Variants in GRIA2 observed in about 807,000 individuals in gnomAD.
GRIA2 encodes glutamate receptor 2.
In GRIA2, 14 loss-of-function variants were observed where a neutral mutation model predicts 97.3. The ratio of observed to expected loss-of-function variants is 0.14; its 90% CI spans 0.10 to 0.23. The LOEUF (loss-of-function observed/expected upper bound fraction) is 0.23, where lower values mean the gene tolerates loss of function less well. Among genes scored for constraint, GRIA2 ranks in the 10% least tolerant of loss-of-function variants. The pLI is 1.00. For missense variants in GRIA2, 558 were observed against 1,069.8 expected (o/e 0.52, Z 6.67); for synonymous variants, 412 against 387.8 (o/e 1.06, Z -0.73).
intron 2 of GRIA2, among the ~76,000 whole-genome samples, chr4:157,259,393 C>A (rs899240788): frequency 6.6e-6 from 1 of 152,020 alleles, no homozygotes; most frequent in African/African-American, 2.4e-5. Context: ...TGCTTGTTTG[C>A]ATGTTACTTT....
intron 2 of GRIA2, among the ~76,000 whole-genome samples, chr4:157,284,880 T>C (rs778812013): frequency 2.0e-5 from 3 of 151,832 alleles, no homozygotes; most frequent in Admixed American, 1.3e-4. Flanking sequence ...GTACAAGCAA[T>C]GCAGCCATGA....
rs939139476 is a variant in GRIA2, at chr4:157,287,910, G to A, written c.230-15642G>A. On this transcript the variant is annotated intron_variant, in intron 2 of 15. Coordinates refer to ENST00000264426, the MANE Select transcript of GRIA2 (RefSeq NM_001083619.3). ...TTTCTGTTTTCCGTGTATTATCTTG[G>A]GTGTTTTTCTTGTGATCTGAGTCTT... 2.0e-5 allele frequency among the ~76,000 whole-genome samples: 3 copies of A among 151,338 alleles called. No homozygotes were observed. The South Asian group carries it at 6.2e-4, about 31-fold the overall frequency.
chr4:157,282,305 A>G (rs1305795566), intron 2 of GRIA2, among the ~76,000 whole-genome samples: 1 of 152,112 alleles, frequency 6.6e-6, no homozygotes, highest in Non-Finnish European at 1.5e-5. Context: ...GTGATTTATT[A>G]CGGGACATGA....
At chr4:157,327,369 C>A (rs770198471) in intron 6 of GRIA2, among the ~76,000 whole-genome samples, 1 of 151,868 alleles carries the variant, frequency 6.6e-6, no homozygotes, top group Non-Finnish European at 1.5e-5. Context: ...TCTTATTGAG[C>A]CCTGACAGAA....
chr4:157,247,145 A>G (rs1730766597), intron 2 of GRIA2, among the ~76,000 whole-genome samples: 1 of 152,126 alleles, frequency 6.6e-6, no homozygotes, highest in Non-Finnish European at 1.5e-5. Context: ...TGCTCTCCAT[A>G]ATTAGCATGA....
intron 4 of GRIA2, among the ~76,000 whole-genome samples, chr4:157,314,169 G>A (rs1734210832): frequency 6.6e-6 from 1 of 152,098 alleles, no homozygotes; most frequent in Non-Finnish European, 1.5e-5. Context: ...ATACACTGTG[G>A]CTGCTAGTGC....
chr4:157,234,311 T>C (rs1481054861), intron 2 of GRIA2, among the ~76,000 whole-genome samples: 1 of 152,084 alleles, frequency 6.6e-6, no homozygotes, highest in Non-Finnish European at 1.5e-5. Flanking sequence ...CTAATAGTTT[T>C]CTCTATGTAA....
chr4:157,253,308 G>T (rs1465076458), intron 2 of GRIA2, among the ~76,000 whole-genome samples: 1 of 151,868 alleles, frequency 6.6e-6, no homozygotes. Flanking sequence ...GTAGAGACAG[G>T]GTTTTGCCAC....
chr4:157,222,167 G>C (rs961329819), intron 2 of GRIA2, among the ~76,000 whole-genome samples: 1 of 152,100 alleles, frequency 6.6e-6, no homozygotes, highest in Non-Finnish European at 1.5e-5. Flanking sequence ...AGCGCCTGTT[G>C]GCACCCTGCC....
At chr4:157,253,298 G>T (rs1731095027) in intron 2 of GRIA2, among the ~76,000 whole-genome samples, 1 of 151,778 alleles carries the variant, frequency 6.6e-6, no homozygotes, top group Admixed American at 6.6e-5. Flanking sequence ...TGTATTTTTG[G>T]TAGAGACAGG....
At chr4:157,296,245 G>C (rs1280397896) in intron 2 of GRIA2, among the ~76,000 whole-genome samples, 2 of 152,018 alleles carry the variant, frequency 1.3e-5, no homozygotes, top group Non-Finnish European at 2.9e-5. Flanking sequence ...CATTTCATAG[G>C]TAATTTTAAA....
chr4:157,269,363 G>A (rs1263888097), intron 2 of GRIA2, among the ~76,000 whole-genome samples: 1 of 152,016 alleles, frequency 6.6e-6, no homozygotes, highest in Non-Finnish European at 1.5e-5. Context: ...GTGTTTTCTT[G>A]CTCCCCAAAA....
In GRIA2 at chr4:157,364,159, G is replaced by A. The variant is rs1241705075; in HGVS notation, c.*728G>A. 6.6e-6 allele frequency: 1 copy of A among 152,368 alleles called. No homozygotes were observed. The allele number at this position is 152,368 out of a possible 1,614,324, so 9.4% of individuals were successfully genotyped here. A position where few individuals can be genotyped will look rare whatever the true frequency, so the allele number is the denominator to read the frequency against. On this transcript the variant is annotated 3_prime_UTR_variant, in exon 16 of 16. Transcript: ENST00000264426. Reference sequence around the variant, plus strand: ...AATGCTAAGGAAAGTAAACAAAGAGGAGATTCCAATCTTGTAATTTAATAT... The same window carrying A: ...AATGCTAAGGAAAGTAAACAAAGAGAAGATTCCAATCTTGTAATTTAATAT...
chr4:157,284,548 A>G (rs1732751487), intron 2 of GRIA2, among the ~76,000 whole-genome samples: 1 of 151,744 alleles, frequency 6.6e-6, no homozygotes, highest in African/African-American at 2.4e-5. Context: ...AACATTACCA[A>G]TACAATTGAG....
Position 157,312,794 on chromosome 4 carries a change from T to G in GRIA2, c.585T>G (p.Leu195=). ...AGAAAGATGAGATGTACCGATCACT[T>G]TTTCAAGATCTGGAGTTAAAAAAGG... ...NDKKDEMYRS[L]FQDLELKKER... The change falls in exon 4 of 16, where the codon CTT becomes CTG. Residue 195 remains leucine, a synonymous_variant. Transcript: ENST00000264426. The G allele has an allele frequency of 6.2e-7, 1 of 1,611,564 alleles. No individual in the cohort carries two copies. Among genetic ancestry groups the G allele is most frequent in the Non-Finnish European group, 8.5e-7 (1 of 1,178,084 alleles).
chr4:157,277,275 AAAAG>A (rs1732364920), intron 2 of GRIA2, among the ~76,000 whole-genome samples: 2 of 151,970 alleles, frequency 1.3e-5, no homozygotes, highest in East Asian at 1.9e-4. Flanking sequence ...AACAAACTAA[AAAAG>A]AAAGATCGCA....
Position 157,364,462 on chromosome 4 carries a change from T to A in GRIA2, c.*1031T>A, listed in dbSNP as rs1467375744. The A allele has an allele frequency of 6.6e-6, 1 of 151,548 alleles. No homozygotes were observed. Among genetic ancestry groups the A allele is most frequent in the East Asian group, 1.9e-4 (1 of 5,164 alleles). The allele number at this position is 151,548 out of a possible 1,614,324, so 9.4% of individuals were successfully genotyped here. On this transcript the variant is annotated 3_prime_UTR_variant, in exon 16 of 16. Coordinates refer to ENST00000264426, the MANE Select transcript of GRIA2 (RefSeq NM_001083619.3). ...GTAATATCTGAATATCTTTTTGACA[T>A]GTCTAAATATATATATATATAAAGA... is the stretch of plus-strand genomic sequence containing the variant.
At chr4:157,349,268 AG>A (rs1397462983) in intron 12 of GRIA2, among the ~76,000 whole-genome samples, 2 of 152,104 alleles carry the variant, frequency 1.3e-5, no homozygotes, top group East Asian at 3.9e-4. Flanking sequence ...TATGTATATT[AG>A]TGGGATTTTC....
chr4:157,262,065 A>C (rs1004092055), intron 2 of GRIA2, among the ~76,000 whole-genome samples: 1 of 152,052 alleles, frequency 6.6e-6, no homozygotes, highest in African/African-American at 2.4e-5. Context: ...TGGTCCTTTA[A>C]GAACTTGTTA....
Sources: allele counts gnomAD v4.1 joint callset (sites outside exome capture counted in the v4.1 genomes callset), GRCh38; gene constraint gnomAD v4.1.1; transcripts MANE v1.5; gene names NCBI Gene and HGNC (gene_info 2026-07-23, HGNC 2026-07-21).